EIF3E: variants seen among roughly 807,000 people sequenced by gnomAD.
EIF3E encodes eIF-3 p48.
EIF3E carries 25 observed loss-of-function variants against 59.3 expected under a neutral mutation model. The observed-to-expected ratio is 0.42, with a 90% CI of 0.31 to 0.59. EIF3E has a LOEUF of 0.59. Among genes scored for constraint, EIF3E ranks in the 20% least tolerant of loss-of-function variants. The probability of loss-of-function intolerance (pLI) is 0.15; values close to 1 mark genes in which losing one functional copy is unlikely to be tolerated. For missense variants in EIF3E, 317 were observed against 534.3 expected (o/e 0.59, Z 4.01); for synonymous variants, 176 against 170.2 (o/e 1.03, Z -0.26).
intron 8 of EIF3E, 122 bp from the exon 9 acceptor site, chr8:108,216,635 A>G: frequency 1.4e-6 from 1 of 690,780 alleles, no homozygotes; most frequent in Non-Finnish European, 2.5e-6. Flanking sequence ...CAAATTACCT[A>G]GCATCTTCCC....
In EIF3E at chr8:108,241,865, CACT is replaced by C; in HGVS notation, c.136_138del (p.Ser46del). On this transcript the variant is annotated inframe_deletion, in exon 2 of 13. Transcript: ENST00000220849. ...ATAGCAAAGTCTACCATGTTGGTAT[CACT>C]AAGAAGGTCCAATTTACCTTGTAAT... The C allele has an allele frequency of 6.2e-7, 1 of 1,602,038 alleles. No homozygotes were observed. Among genetic ancestry groups the C allele is most frequent in the Middle Eastern group, 2.0e-4 (1 of 4,998 alleles).
At position 108,236,212 on chromosome 8, in the gene EIF3E, TA is replaced by T. The variant is rs761749821; in HGVS notation, c.324-10del. 36 of 1,606,204 alleles carry T rather than the reference TA, an allele frequency of 2.2e-5. No homozygotes were observed. The highest frequency in any genetic ancestry group is 3.1e-5 in the Non-Finnish European group (36 of 1,176,526). ...AGAGCATCCTACCATCCCTAAATAATAAAAAACAAAAATTACATTATTTTAA... is the reference window on the plus strand; with the variant it reads ...AGAGCATCCTACCATCCCTAAATAATAAAAACAAAAATTACATTATTTTAA... On this transcript the variant is annotated splice_polypyrimidine_tract_variant and intron_variant, in intron 3 of 12. Transcript: ENST00000220849.
intron 1 of EIF3E, among the ~76,000 whole-genome samples, chr8:108,246,289 G>C (rs867712331): frequency 1.0e-5 from 1 of 99,736 alleles, no homozygotes; most frequent in Non-Finnish European, 2.5e-5. Context: ...GGGTGTGGGG[G>C]GGGGGGGCTG....
intron 4 of EIF3E, among the ~76,000 whole-genome samples, chr8:108,235,732 T>C (rs1434407672): frequency 1.3e-5 from 2 of 152,384 alleles, no homozygotes; most frequent in African/African-American, 4.8e-5. Context: ...TCAAAGGCTA[T>C]TGTGTTCCAC....
intron 5 of EIF3E, chr8:108,233,767 A>C: frequency 4.8e-6 from 1 of 208,560 alleles, no homozygotes; most frequent in Non-Finnish European, 1.0e-5. Flanking sequence ...TGAGCGCAAG[A>C]GTTCAAGGCT....
chr8:108,203,089 A>C lies in EIF3E; in HGVS notation c.1193T>G (p.Val398Gly). ...LGHVVMGNNA[V>G]SPYQQVIEKT... ...TTCAATCACTTGCTGATAGGGTGAG[A>C]CTGCATTGTTACCCATAACCACATG... The change falls in exon 12 of 13, where the codon GTC becomes GGC. Residue 398 changes from valine to glycine, a missense_variant. Val to Gly is a moderately radical substitution (Grantham distance 109). This residue lies in a region of EIF3E where 45 missense variants were observed against 97.8 expected (regional missense o/e 0.46). Transcript: ENST00000220849. The C allele has an allele frequency of 6.2e-7, 1 of 1,612,806 alleles. No homozygotes were observed. The highest frequency in any genetic ancestry group is 8.5e-7 in the Non-Finnish European group (1 of 1,179,114).
rs536342762 is a variant in EIF3E, at chr8:108,228,236, A to G, written c.722+31T>C. 3 of 1,547,518 alleles carry G rather than the reference A, an allele frequency of 1.9e-6. No individual in the cohort carries two copies. In the South Asian group the frequency reaches 3.8e-5, roughly 19 times the overall value. On this transcript the variant is annotated intron_variant, in intron 7 of 12. Transcript: ENST00000220849. Reference sequence around the variant, plus strand: ...CAACTCCATGTAATTTTATCTAAACAAAGCCAAAATTACACAGTGAAATAA... The same window carrying G: ...CAACTCCATGTAATTTTATCTAAACGAAGCCAAAATTACACAGTGAAATAA...
chr8:108,241,875 G>A lies in EIF3E; in HGVS notation c.129C>T (p.Asp43=), dbSNP rs1431311225. The part of the protein sequence containing the change: ...NEKELLQGKL[D]LLSDTNMVDF... ...CTACCATGTTGGTATCACTAAGAAG[G>A]TCCAATTTACCTTGTAATAATTCCT... The change falls in exon 2 of 13, where the codon GAC becomes GAT. Residue 43 remains aspartate (D), a synonymous_variant. Transcript: ENST00000220849. 1 of 1,600,406 alleles carries A rather than the reference G, an allele frequency of 6.2e-7. No homozygotes were observed. The highest frequency in any genetic ancestry group is 1.3e-5 in the African/African-American group (1 of 74,404).
chr8:108,239,937 T>C, intron 3 of EIF3E, 21 bp downstream of exon 3: 1 of 1,575,528 alleles, frequency 6.3e-7, no homozygotes, highest in South Asian at 1.1e-5. Flanking sequence ...TTTTTAGAAT[T>C]CAAAATTAAG....
At chr8:108,219,367 A>T (rs1200131591) in intron 7 of EIF3E, among the ~76,000 whole-genome samples, 1 of 152,182 alleles carries the variant, frequency 6.6e-6, no homozygotes, top group Non-Finnish European at 1.5e-5. Flanking sequence ...TGTGGGCAAG[A>T]GGCAAATTCA....
intron 7 of EIF3E, chr8:108,226,191 CTT>C (rs11326241): frequency 0.38 from 48,141 of 125,780 alleles, 7,727 homozygotes; most frequent in Middle Eastern, 0.47. Context: ...TTCAATAATT[CTT>C]TTTTTTTTTT....
intron 1 of EIF3E, among the ~76,000 whole-genome samples, chr8:108,243,785 C>T (rs2597658): frequency 0.6 from 90,617 of 151,022 alleles, 27,226 homozygotes; most frequent in African/African-American, 0.67. Context: ...TATGAATGAA[C>T]GTCATATCTG....
intron 7 of EIF3E, among the ~76,000 whole-genome samples, chr8:108,218,480 T>A (rs1815344454): frequency 6.6e-6 from 1 of 152,178 alleles, no homozygotes; most frequent in Non-Finnish European, 1.5e-5. Context: ...ACCCTAGAAT[T>A]GAACACTTAA....
At chr8:108,240,336 G>A (rs1479387029) in intron 2 of EIF3E, among the ~76,000 whole-genome samples, 1 of 152,090 alleles carries the variant, frequency 6.6e-6, no homozygotes, top group African/African-American at 2.4e-5. Context: ...ACAGCCTTGG[G>A]GTGACAGAGG....
intron 10 of EIF3E, among the ~76,000 whole-genome samples, chr8:108,206,471 A>G (rs1815102528): frequency 1.3e-5 from 2 of 152,182 alleles, no homozygotes; most frequent in South Asian, 4.1e-4. Flanking sequence ...AAGACCATAG[A>G]GTGAAAATTC....
At chr8:108,236,636 A>AAC (rs1815735339) in intron 3 of EIF3E, among the ~76,000 whole-genome samples, 2 of 152,240 alleles carry the variant, frequency 1.3e-5, no homozygotes, top group Non-Finnish European at 2.9e-5. Flanking sequence ...ACCATGTACA[A>AAC]ACTAGAAGAA....
At chr8:108,204,768 G>C (rs1448953451) in intron 10 of EIF3E, among the ~76,000 whole-genome samples, 4 of 126,938 alleles carry the variant, frequency 3.2e-5, no homozygotes, top group South Asian at 2.4e-4. Context: ...GAGAGAGAGA[G>C]AGAGAGAGAG....
At position 108,248,603 on chromosome 8, in the gene EIF3E, A is replaced by AC. The variant is rs1815995648; in HGVS notation, c.90+9dup. 5 of 1,612,378 alleles carry AC rather than the reference A, an allele frequency of 3.1e-6. No homozygotes were observed. In the East Asian group the frequency reaches 1.1e-4, roughly 36 times the overall value. ...CCCCACGCCTTCCTTGCGCCCAAAGACCCCCTCACCTCCTTTACAGAGAGA... is the reference window on the plus strand; with the variant it reads ...CCCCACGCCTTCCTTGCGCCCAAAGACCCCCCTCACCTCCTTTACAGAGAGA... On this transcript the variant is annotated intron_variant, in intron 1 of 12. Transcript: ENST00000220849.
At chr8:108,224,712 G>C (rs761756514) in intron 7 of EIF3E, among the ~76,000 whole-genome samples, 10 of 151,450 alleles carry the variant, frequency 6.6e-5, no homozygotes, top group Non-Finnish European at 1.5e-4. Flanking sequence ...CAGGCATGAT[G>C]GTTCTTACTG....
Sources: gnomAD v4.1 joint callset for allele counts (sites outside exome capture counted in the v4.1 genomes callset) on GRCh38, gnomAD v4.1.1 for gene constraint, gnomAD v4.1.1 regional missense constraint, MANE v1.5 for transcripts, NCBI Gene and HGNC (gene_info 2026-07-23, HGNC 2026-07-21) for gene names.